Variants in ELOVL6 observed in about 807,000 individuals in gnomAD.
ELOVL6 encodes the protein ELOVL fatty acid elongase 6.
Under a neutral mutation model 31.7 loss-of-function variants are expected in ELOVL6, and 8 were observed. That is an observed-to-expected ratio of 0.25 (90% CI 0.15 to 0.45). The LOEUF (loss-of-function observed/expected upper bound fraction) is 0.45, where lower values mean the gene tolerates loss of function less well. ELOVL6 is among the 20% of genes least tolerant of loss of function. The probability of loss-of-function intolerance (pLI) is 1.00; values close to 1 mark genes in which losing one functional copy is unlikely to be tolerated. For synonymous variants in ELOVL6, 101 were observed against 117.7 expected, an observed-to-expected ratio of 0.86 and a Z score of 0.92; for missense variants, 126 against 326.4, an observed-to-expected ratio of 0.39 and a Z score of 4.73.
chr4:110,105,302 C>G (rs2126246361), intron 2 of ELOVL6, among the ~76,000 whole-genome samples, 195 bp downstream of exon 2: 1 of 152,252 alleles, frequency 6.6e-6, no homozygotes, highest in East Asian at 1.9e-4. Flanking sequence ...TGACACCTCT[C>G]AAAATATATA....
In ELOVL6 at chr4:110,049,503, A is replaced by G. The variant is rs764384324; in HGVS notation, c.*1835T>C. On this transcript the variant is annotated 3_prime_UTR_variant, in exon 4 of 4. Coordinates refer to ENST00000302274, the MANE Select transcript of ELOVL6 (RefSeq NM_024090.3). ...GCTCTGTTTCATGAACGACAGCACA[A>G]TTAAAGCTAAAATAATATAAAAATA... The G allele has an allele frequency of 1.3e-5, 2 of 152,602 alleles. No individual in the cohort carries two copies. Among genetic ancestry groups the G allele is most frequent in the African/African-American group, 2.4e-5 (1 of 41,430 alleles). 9.5% of individuals were successfully genotyped at this position (152,602 alleles called of 1,614,324 possible).
chr4:110,165,840 G>A (rs1758758904), intron 1 of ELOVL6, among the ~76,000 whole-genome samples: 1 of 152,146 alleles, frequency 6.6e-6, no homozygotes, highest in Admixed American at 6.5e-5. Context: ...GTGAACCCAA[G>A]GCTAATTCCC....
At position 110,051,341 on chromosome 4, in the gene ELOVL6, T is replaced by A. The variant is rs768764970; in HGVS notation, c.795A>T (p.Glu265Asp). The A allele has an allele frequency of 7.4e-6, 12 of 1,613,958 alleles. No homozygotes were observed. The highest frequency in any genetic ancestry group is 1.0e-5 in the Non-Finnish European group (12 of 1,179,866). ...IGKMRKTTKAE is the reference protein window; with the variant it reads ...IGKMRKTTKAD ...GGCTTCCTCCTCAGTTCCAACACTA[T>A]TCAGCTTTCGTTGTTTTCCTCATTT... The change falls in exon 4 of 4, where the codon GAA becomes GAT. Residue 265 changes from glutamate to aspartate, a missense_variant. Physicochemically the swap from Glu to Asp is conservative, Grantham distance 45. This residue lies in a region of ELOVL6 where 57 missense variants were observed against 110.2 expected (regional missense o/e 0.52). Transcript: ENST00000302274. The surrounding 1 kb of genome is among the most constrained non-coding windows in gnomAD (Gnocchi z 4.8).
At chr4:110,083,805 G>A (rs1755962942) in intron 2 of ELOVL6, among the ~76,000 whole-genome samples, 1 of 150,044 alleles carries the variant, frequency 6.7e-6, no homozygotes. Context: ...ATGGGCATAA[G>A]AGAAGCAGAC....
chr4:110,057,964 G>T (rs535960930), intron 3 of ELOVL6, among the ~76,000 whole-genome samples: 1 of 151,704 alleles, frequency 6.6e-6, no homozygotes, highest in South Asian at 2.1e-4. Flanking sequence ...GAAACTCTAT[G>T]AATCAAAGCA....
At chr4:110,190,009 G>C (rs892928532) in intron 1 of ELOVL6, among the ~76,000 whole-genome samples, 1 of 151,026 alleles carries the variant, frequency 6.6e-6, no homozygotes, top group Non-Finnish European at 1.5e-5. Context: ...TGTGTGTTTT[G>C]AGGAGGTAGA....
chr4:110,054,278 A>C (rs957112438), intron 3 of ELOVL6, among the ~76,000 whole-genome samples: 10 of 152,140 alleles, frequency 6.6e-5, no homozygotes, highest in African/African-American at 2.4e-4. Flanking sequence ...CCTCATACAT[A>C]TACTTAAGGG....
At chr4:110,167,629 A>G (rs1437007052) in intron 1 of ELOVL6, among the ~76,000 whole-genome samples, 1 of 152,014 alleles carries the variant, frequency 6.6e-6, no homozygotes. Flanking sequence ...AGCTGGGACT[A>G]CAGGGTGCCT....
In ELOVL6 at chr4:110,051,067, C is replaced by T; in HGVS notation, c.*271G>A. On this transcript the variant is annotated 3_prime_UTR_variant, in exon 4 of 4. Transcript: ENST00000302274. The surrounding 1 kb of genome is among the most constrained non-coding windows in gnomAD (Gnocchi z 4.8). ...CTGCTTCTGGCTTGCTTTTGTTCTC[C>T]CTTGTCCTAGAGTTGATAGATAAAG... 2 of 418,766 alleles carry T rather than the reference C, an allele frequency of 4.8e-6. No homozygotes were observed. 25.9% of individuals were successfully genotyped at this position (418,766 alleles called of 1,614,324 possible). A position where few individuals can be genotyped will look rare whatever the true frequency, so the allele number is the denominator to read the frequency against.
At chr4:110,166,351 G>T (rs547241498) in intron 1 of ELOVL6, among the ~76,000 whole-genome samples, 2 of 152,188 alleles carry the variant, frequency 1.3e-5, no homozygotes, top group African/African-American at 4.8e-5. Context: ...GGTGGCTCAC[G>T]CCTGTAATCC....
At chr4:110,136,358 G>T (rs926445123) in intron 1 of ELOVL6, among the ~76,000 whole-genome samples, 12 of 152,152 alleles carry the variant, frequency 7.9e-5, no homozygotes, top group African/African-American at 2.7e-4. Flanking sequence ...CTATGGGTTT[G>T]TCTATAATAA....
At chr4:110,131,469 G>T (rs141717942) in intron 1 of ELOVL6, among the ~76,000 whole-genome samples, 58 of 152,212 alleles carry the variant, frequency 3.8e-4, no homozygotes, top group African/African-American at 1.3e-3. Flanking sequence ...TTAATACAGC[G>T]TATGTGAACT....
intron 2 of ELOVL6, among the ~76,000 whole-genome samples, chr4:110,066,637 CAAAAAAAAAAAA>C (rs1209180349): frequency 7.6e-4 from 43 of 56,558 alleles, no homozygotes; most frequent in Admixed American, 3.7e-3. Context: ...TCTGTCTCAA[CAAAAAAAAAAAA>C]AAAAAAAAAA....
intron 3 of ELOVL6, among the ~76,000 whole-genome samples, chr4:110,054,540 T>C (rs545802414): frequency 7.2e-5 from 11 of 152,366 alleles, no homozygotes; most frequent in Non-Finnish European, 1.5e-4. Context: ...ATGAGTCTCT[T>C]AGCATTAACT....
At chr4:110,172,947 C>T (rs1723010497) in intron 1 of ELOVL6, among the ~76,000 whole-genome samples, 1 of 152,076 alleles carries the variant, frequency 6.6e-6, no homozygotes, top group African/African-American at 2.4e-5. Context: ...ACAAAGAATG[C>T]AAAAGGAGAG....
At chr4:110,062,459 AT>A (rs1755173113) in intron 2 of ELOVL6, among the ~76,000 whole-genome samples, 1 of 152,124 alleles carries the variant, frequency 6.6e-6, no homozygotes, top group Non-Finnish European at 1.5e-5. Context: ...GATAATTGTT[AT>A]TTGTGGGGAG....
rs1458820530 is a variant in ELOVL6 at position 110,084,157 on chromosome 4, CAT to C, written c.221+21338_221+21339del. On this transcript the variant is annotated intron_variant, in intron 2 of 3. Coordinates refer to ENST00000302274, the MANE Select transcript of ELOVL6 (RefSeq NM_024090.3). ...ATAATGATATATATGATATATATAACATATATGTGATATATATGATATATATA... is the reference window on the plus strand; with the variant it reads ...ATAATGATATATATGATATATATAACATATGTGATATATATGATATATATA... 7.6e-5 allele frequency among the ~76,000 whole-genome samples: 7 copies of C among 91,654 alleles called. 1 individual carries two copies. Among genetic ancestry groups the C allele is most frequent in the African/African-American group, 2.2e-4 (3 of 13,406 alleles). The allele number at this position is 91,654 out of a possible 152,430, so 60.1% of individuals were successfully genotyped here.
chr4:110,066,849 T>C (rs761291173), intron 2 of ELOVL6, among the ~76,000 whole-genome samples: 22 of 152,046 alleles, frequency 1.4e-4, no homozygotes, highest in Non-Finnish European at 3.1e-4. Context: ...GCTGCACCCA[T>C]CAACGCATCA....
At chr4:110,140,378 T>G (rs2126260952) in intron 1 of ELOVL6, among the ~76,000 whole-genome samples, 1 of 152,282 alleles carries the variant, frequency 6.6e-6, no homozygotes, top group Non-Finnish European at 1.5e-5. Context: ...AGAATGGATG[T>G]TGACTCTCAG....
Sources: gnomAD v4.1 joint callset for allele counts (sites outside exome capture counted in the v4.1 genomes callset) on GRCh38, gnomAD v4.1.1 for gene constraint, gnomAD v4.1.1 regional missense constraint, Gnocchi (gnomAD v3.1) non-coding constraint, MANE v1.5 for transcripts, NCBI Gene and HGNC (gene_info 2026-07-23, HGNC 2026-07-21) for gene names.